The following FYCO1 variants were observed in gnomAD, a reference collection of about 807,000 sequenced individuals.
FYCO1 encodes the protein FYVE and coiled-coil domain autophagy adaptor 1.
In FYCO1, 122 loss-of-function variants were observed where a neutral mutation model predicts 165.1. That is an observed-to-expected ratio of 0.74 (90% confidence interval 0.64 to 0.86). The LOEUF (loss-of-function observed/expected upper bound fraction) is 0.86, where lower values mean the gene tolerates loss of function less well. Ranked by LOEUF, FYCO1 falls within the 40% of genes least tolerant of loss-of-function variation. FYCO1 has a pLI of 0.00. For synonymous variants in FYCO1, 648 were observed against 742.5 expected (o/e 0.87, Z 2.07); for missense variants, 1,702 against 1,810.3 (o/e 0.94, Z 1.09).
intron 4 of FYCO1, among the ~76,000 whole-genome samples, chr3:45,977,335 C>A (rs555663750): frequency 4.9e-5 from 4 of 81,332 alleles, no homozygotes; most frequent in Non-Finnish European, 1.1e-4. Flanking sequence ...TTAATCAGGC[C>A]CATTAACTGA....
intron 8 of FYCO1, 93 bp downstream of exon 8, chr3:45,966,184 A>G: frequency 3.7e-6 from 5 of 1,351,048 alleles, no homozygotes; most frequent in Non-Finnish European, 4.2e-6. Context: ...TCCAGCCCTC[A>G]CCTGCCTCAT....
chr3:45,945,007 G>T (rs1361420102), intron 14 of FYCO1: 1 of 152,120 alleles, frequency 6.6e-6, no homozygotes, highest in Non-Finnish European at 1.5e-5. Context: ...CAATTGTGAC[G>T]TAAGGGCAAG....
intron 4 of FYCO1, among the ~76,000 whole-genome samples, chr3:45,978,371 A>G (rs1706873429): frequency 6.6e-6 from 1 of 152,208 alleles, no homozygotes; most frequent in African/African-American, 2.4e-5. Flanking sequence ...AGACCTCACA[A>G]GACTCATCCA....
intron 14 of FYCO1, among the ~76,000 whole-genome samples, chr3:45,953,760 G>A (rs928644559): frequency 6.6e-6 from 1 of 152,206 alleles, no homozygotes; most frequent in African/African-American, 2.4e-5. Flanking sequence ...CAAAGTGCAG[G>A]CTAGGTGAGT....
At position 45,918,318 on chromosome 3, in the gene FYCO1, G is replaced by A. The variant is rs1440084405; in HGVS notation, c.*3447C>T. The A allele has an allele frequency of 6.6e-6, 1 of 152,242 alleles. No individual in the cohort carries two copies. The highest frequency in any genetic ancestry group is 1.5e-5 in the Non-Finnish European group (1 of 68,030). The allele number at this position is 152,242 out of a possible 1,614,324, so 9.4% of individuals were successfully genotyped here. A position where few individuals can be genotyped will look rare whatever the true frequency, so the allele number is the denominator to read the frequency against. ...TATTTTAAAAGTGCTTAAGAGGAAA[G>A]AGAGAATTATTAATTCAGTCTCTCC... On this transcript the variant is annotated 3_prime_UTR_variant, in exon 18 of 18. Coordinates refer to ENST00000296137, the MANE Select transcript of FYCO1 (RefSeq NM_024513.4).
chr3:45,983,314 C>A (rs182205406), intron 2 of FYCO1, among the ~76,000 whole-genome samples: 49 of 152,322 alleles, frequency 3.2e-4, no homozygotes, highest in African/African-American at 7.2e-4. Context: ...GTGTACCACA[C>A]AAAGATGCCT....
intron 14 of FYCO1, among the ~76,000 whole-genome samples, chr3:45,942,089 G>C (rs1704262071): frequency 1.3e-5 from 2 of 152,210 alleles, no homozygotes; most frequent in South Asian, 4.1e-4. Flanking sequence ...CAGTTTGGTA[G>C]AAAGGACAGT....
intron 3 of FYCO1, among the ~76,000 whole-genome samples, chr3:45,980,302 T>C (rs1050104392): frequency 2.0e-5 from 3 of 151,410 alleles, no homozygotes; most frequent in Non-Finnish European, 4.4e-5. Context: ...TGAGCCAAGG[T>C]TGCACCACTG....
At chr3:45,974,624 A>G (rs941589196) in intron 5 of FYCO1, among the ~76,000 whole-genome samples, 2 of 152,170 alleles carry the variant, frequency 1.3e-5, no homozygotes, top group African/African-American at 4.8e-5. Context: ...GAAAACCCAA[A>G]GAGGTTTAGT....
rs751337469 is a variant in FYCO1 at position 45,968,257 on chromosome 3, G to C, written c.1077C>G (p.Asp359Glu). The C allele has an allele frequency of 3.1e-6, 5 of 1,613,962 alleles. No homozygotes were observed. In the Admixed American group the frequency reaches 8.3e-5, roughly 27 times the overall value. Residue 359 changes from aspartate (D) to glutamate (E), a missense_variant, in exon 8 of 18, where the codon GAC (aspartate) becomes GAG (glutamate). Transcript: ENST00000296137. ...AGCTGGCTAAATGCTGGTTTTTCTT[G>C]TCCAGTGAGTCCCGTGTGGCCTCAA... ...QELEATRDSL[D>E]KKNQHLASFP... is the part of the protein sequence containing the mutation.
At chr3:45,955,502 G>C in intron 13 of FYCO1, 109 bp from the exon 14 acceptor site, 1 of 1,235,986 alleles carries the variant, frequency 8.1e-7, no homozygotes, top group Non-Finnish European at 1.2e-6. Context: ...AGAACAAGCT[G>C]CTGAGGCACA....
At chr3:45,955,176 C>T in intron 14 of FYCO1, 73 bp downstream of exon 14, 3 of 1,546,318 alleles carry the variant, frequency 1.9e-6, no homozygotes, top group Non-Finnish European at 2.7e-6. Context: ...TCACTTTCCT[C>T]ATCCTTTGAT....
chr3:45,958,449 A>G lies in FYCO1; in HGVS notation c.3758T>C (p.Leu1253Pro), dbSNP rs1364757021. 1 of 1,613,072 alleles carries G rather than the reference A, an allele frequency of 6.2e-7. No homozygotes were observed. Reference protein sequence around the residue: ...GTSQGEPSPALSPASPGPQAT... With the variant: ...GTSQGEPSPAPSPASPGPQAT... ...CTGGGGCCCAGGTGAGGCTGGTGAC[A>G]GTGCAGGGCTGGGCTCTCCCTGGCT... The change falls in exon 13 of 18, where the codon CTG (leucine) becomes CCG (proline). Residue 1253 changes from leucine to proline, a missense_variant. Transcript: ENST00000296137.
At chr3:45,950,497 A>T (rs1704943251) in intron 14 of FYCO1, among the ~76,000 whole-genome samples, 1 of 152,056 alleles carries the variant, frequency 6.6e-6, no homozygotes, top group Admixed American at 6.5e-5. Flanking sequence ...AGCTACCCCT[A>T]CTGGAGGGGT....
intron 1 of FYCO1, among the ~76,000 whole-genome samples, chr3:45,991,647 T>C (rs1286156620): frequency 6.9e-6 from 1 of 145,372 alleles, no homozygotes; most frequent in Non-Finnish European, 1.5e-5. Flanking sequence ...CAGGAGGAAG[T>C]GTGAACCACA....
chr3:45,977,595 A>G (rs1309043053), intron 4 of FYCO1, among the ~76,000 whole-genome samples: 1 of 151,660 alleles, frequency 6.6e-6, no homozygotes, highest in Non-Finnish European at 1.5e-5. Context: ...AAGCAATACA[A>G]TGGCAGCAAA....
rs759172961 is a variant in FYCO1 at position 45,973,183 on chromosome 3, C to T, written c.444G>A (p.Ser148=). The T allele has an allele frequency of 9.3e-6, 15 of 1,614,186 alleles. No individual in the cohort carries two copies. Among genetic ancestry groups the T allele is most frequent in the South Asian group, 5.5e-5 (5 of 91,080 alleles). Residue 148 remains serine, a synonymous_variant, in exon 6 of 18, where the codon TCG becomes TCA. Transcript: ENST00000296137. ...GCTCATAGAGTTGGCCCACAATGTC[C>T]GAGCTCAGCTTTGGCTGCAGAAAGG... is the stretch of plus-strand genomic sequence containing the variant. The part of the protein sequence containing the change: ...RSPFLQPKLS[S]DIVGQLYELT...
Position 45,973,214 on chromosome 3 carries a change from C to G in FYCO1, c.413G>C (p.Arg138Thr), listed in dbSNP as rs946547451. Reference protein sequence around the residue: ...TKVTSDWYYARSPFLQPKLSS... With the variant: ...TKVTSDWYYATSPFLQPKLSS... ...CAGCTTTGGCTGCAGAAAGGGGCTT[C>G]TTGCATAGTACCAGTCACTGCAGAA... Residue 138 changes from arginine (R) to threonine (T), a missense_variant, in exon 6 of 18, where the codon AGA (arginine) becomes ACA (threonine). Arg to Thr is a moderately conservative substitution (Grantham distance 71). Transcript: ENST00000296137. The G allele has an allele frequency of 1.9e-6, 3 of 1,614,024 alleles. No individual in the cohort carries two copies. The African/African-American group carries it at 4.0e-5, about 22-fold the overall frequency.
At position 45,977,350 on chromosome 3, in the gene FYCO1, AATATATATATATATATATATATAT is replaced by A. The variant is rs57543574; in HGVS notation, c.289-2029_289-2006del. 7.2e-3 allele frequency among the ~76,000 whole-genome samples: 812 copies of A among 112,678 alleles called. 18 individuals carry two copies. The highest frequency in any genetic ancestry group is 0.027 in the East Asian group (134 of 4,888). 73.9% of individuals were successfully genotyped at this position (112,678 alleles called of 152,430 possible). A position where few individuals can be genotyped will look rare whatever the true frequency, so the allele number is the denominator to read the frequency against. On this transcript the variant is annotated intron_variant, in intron 4 of 17. Transcript: ENST00000296137. ...TTAATCAGGCCCATTAACTGAATTAAATATATATATATATATATATATATATATATATATATATATATATATATA... is the reference window on the plus strand; with the variant it reads ...TTAATCAGGCCCATTAACTGAATTAAATATATATATATATATATATATATA...
Sources: allele counts gnomAD v4.1 joint callset (sites outside exome capture counted in the v4.1 genomes callset), GRCh38; gene constraint gnomAD v4.1.1; transcripts MANE v1.5; gene names NCBI Gene and HGNC (gene_info 2026-07-23, HGNC 2026-07-21).